The following CCND3 variants were observed in gnomAD, a reference collection of about 807,000 sequenced individuals.
The protein encoded by CCND3 is G1/S-specific cyclin-D3.
A neutral mutation model predicts 28.7 loss-of-function variants in CCND3; 9 were observed. That is an observed-to-expected ratio of 0.31 (90% confidence interval 0.19 to 0.55). CCND3 has a LOEUF of 0.55. Among genes scored for constraint, CCND3 ranks in the 20% least tolerant of loss-of-function variants. The pLI is 0.93. For missense variants in CCND3, 315 were observed against 385.8 expected (o/e 0.82, Z 1.54); for synonymous variants, 164 against 163.9 (o/e 1.00, Z 0.00).
chr6:41,940,829 C>T, intron 1 of CCND3: 1 of 1,063,064 alleles, frequency 9.4e-7, no homozygotes, highest in Non-Finnish European at 1.5e-6. Context: ...GGAGCCCTTG[C>T]TCACGGAGGA....
chr6:42,004,298 T>TA (rs1207103299), intron 1 of CCND3, among the ~76,000 whole-genome samples: 1 of 151,922 alleles, frequency 6.6e-6, no homozygotes, highest in Non-Finnish European at 1.5e-5. Flanking sequence ...GGCAGAGGGT[T>TA]AAAAGATGAG....
At chr6:42,031,686 C>G (rs1338777155) in intron 1 of CCND3, among the ~76,000 whole-genome samples, 12 of 151,988 alleles carry the variant, frequency 7.9e-5, no homozygotes, top group Non-Finnish European at 1.5e-5. Flanking sequence ...GGTATATTTC[C>G]TTCAAGTCTT....
At chr6:42,043,755 C>T (rs1324195854) in intron 1 of CCND3, among the ~76,000 whole-genome samples, 1 of 152,148 alleles carries the variant, frequency 6.6e-6, no homozygotes, top group Non-Finnish European at 1.5e-5. Flanking sequence ...CCTGGAGGCC[C>T]AGTGGCTCTG....
intron 1 of CCND3, among the ~76,000 whole-genome samples, chr6:42,035,407 GC>G (rs1764175996): frequency 6.6e-6 from 1 of 150,866 alleles, no homozygotes; most frequent in South Asian, 2.1e-4. Flanking sequence ...TCACACTGTC[GC>G]CCAGGCTGGA....
intron 1 of CCND3, among the ~76,000 whole-genome samples, chr6:42,022,403 A>G (rs1043233805): frequency 7.2e-5 from 11 of 152,204 alleles, no homozygotes. Context: ...AGGGTGGAGG[A>G]TGGAGGCGGG....
chr6:41,999,480 AG>A (rs1277945207), intron 1 of CCND3, among the ~76,000 whole-genome samples: 1 of 152,200 alleles, frequency 6.6e-6, no homozygotes, highest in Non-Finnish European at 1.5e-5. Context: ...CTGGGATTAC[AG>A]GCATGAGCCA....
upstream of CCND3, among the ~76,000 whole-genome samples, chr6:41,942,118 T>C (rs748556945): frequency 9.2e-5 from 14 of 152,322 alleles, no homozygotes; most frequent in Middle Eastern, 6.8e-3. Flanking sequence ...CATTCACTTA[T>C]TCATTCGTCA....
chr6:42,023,147 G>T (rs1763761085), intron 1 of CCND3, among the ~76,000 whole-genome samples: 1 of 152,214 alleles, frequency 6.6e-6, no homozygotes, highest in South Asian at 2.1e-4. Flanking sequence ...CCTGGCTGAG[G>T]TGGGACAGGG....
intron 3 of CCND3, 122 bp downstream of exon 3, chr6:41,937,113 C>G (rs915235464): frequency 4.6e-6 from 5 of 1,075,422 alleles, no homozygotes; most frequent in Non-Finnish European, 7.0e-6. Flanking sequence ...ACTGGGGGCT[C>G]AGAGGGGGTA....
Position 41,941,719 on chromosome 6 carries a change from G to A in CCND3, c.-70C>T, listed in dbSNP as rs1776034017. On this transcript the variant is annotated 5_prime_UTR_variant, in exon 1 of 5. Coordinates refer to ENST00000372991, the MANE Select transcript of CCND3 (RefSeq NM_001760.5). This position sits in a 1 kb window ranked among gnomAD's most constrained non-coding sequence, Gnocchi z 6.1. ...CCCAAGGCAGGCGACGGGCCGGAGA[G>A]CGCGGGGCGCGGGTCTGGCGCTGGC... is the stretch of plus-strand genomic sequence containing the variant. 4 of 1,126,424 alleles carry A rather than the reference G, an allele frequency of 3.6e-6. No homozygotes were observed. Among genetic ancestry groups the A allele is most frequent in the Non-Finnish European group, 1.1e-6 (1 of 873,644 alleles). 69.8% of individuals were successfully genotyped at this position (1,126,424 alleles called of 1,614,324 possible).
At chr6:42,030,606 T>C (rs989510442) in intron 1 of CCND3, among the ~76,000 whole-genome samples, 2 of 152,174 alleles carry the variant, frequency 1.3e-5, no homozygotes, top group Admixed American at 1.3e-4. Context: ...CTCCTCTCCA[T>C]GCCCCAGGTC....
chr6:41,941,239 G>A lies in CCND3; in HGVS notation c.198+213C>T. On this transcript the variant is annotated intron_variant, in intron 1 of 4. Coordinates refer to ENST00000372991, the MANE Select transcript of CCND3 (RefSeq NM_001760.5). This position sits in a 1 kb window ranked among gnomAD's most constrained non-coding sequence, Gnocchi z 6.1. ...AAGAGAGGCACAGTTAGGGTGCCAA[G>A]TGACTGGCAGTCACTGTCGGGAGGA... 1.4e-6 allele frequency: 2 copies of A among 1,433,318 alleles called. No individual in the cohort carries two copies. The highest frequency in any genetic ancestry group is 3.0e-5 in the South Asian group (2 of 67,070). 88.8% of individuals were successfully genotyped at this position (1,433,318 alleles called of 1,614,324 possible).
At chr6:41,978,702 C>G (rs7774393) in intron 1 of CCND3, among the ~76,000 whole-genome samples, 108,309 of 151,980 alleles carry the variant, frequency 0.71, 38,879 homozygotes, top group African/African-American at 0.81. Flanking sequence ...AAAGCTATGA[C>G]TTGTGCCCCT....
chr6:41,995,223 C>T (rs1221512370), intron 1 of CCND3, among the ~76,000 whole-genome samples: 2 of 152,094 alleles, frequency 1.3e-5, no homozygotes, highest in African/African-American at 4.8e-5. Flanking sequence ...ATATAAACTA[C>T]ATCCCACAAC....
At chr6:41,964,461 TGA>T (rs1222379813) in intron 1 of CCND3, among the ~76,000 whole-genome samples, 86 of 82,410 alleles carry the variant, frequency 1.0e-3, no homozygotes, top group Admixed American at 5.4e-3. Flanking sequence ...AGTCTGTGTG[TGA>T]GTGTGTGTGT....
intron 1 of CCND3, among the ~76,000 whole-genome samples, chr6:41,949,136 C>A (rs1255557265): frequency 6.6e-6 from 1 of 152,022 alleles, no homozygotes; most frequent in Non-Finnish European, 1.5e-5. Flanking sequence ...ATCACTGAGG[C>A]CAGGGGTTCA....
At chr6:41,961,136 G>A (rs74294386) in intron 1 of CCND3, among the ~76,000 whole-genome samples, 16,101 of 152,230 alleles carry the variant, frequency 0.11, 1,303 homozygotes, top group East Asian at 0.32. Flanking sequence ...TGGGGACATC[G>A]GATGCTGAGC....
intron 1 of CCND3, chr6:41,940,844 A>C (rs1174183813): frequency 2.6e-6 from 3 of 1,168,982 alleles, no homozygotes; most frequent in East Asian, 2.3e-5. Flanking sequence ...GGAGGATTCC[A>C]AACGGAGACT....
intron 1 of CCND3, among the ~76,000 whole-genome samples, chr6:41,959,499 A>T (rs1361401317): frequency 1.3e-5 from 2 of 151,842 alleles, no homozygotes. Context: ...CCTGGCCAAC[A>T]TGGTGAAACC....
Sources: allele counts gnomAD v4.1 joint callset (sites outside exome capture counted in the v4.1 genomes callset), GRCh38; gene constraint gnomAD v4.1.1; non-coding constraint Gnocchi (gnomAD v3.1); transcripts MANE v1.5; gene names NCBI Gene and HGNC (gene_info 2026-07-23, HGNC 2026-07-21).